STK26: variants seen among roughly 807,000 people sequenced by gnomAD.
STK26 encodes serine/threonine kinase 26, also known as serine/threonine-protein kinase 26.
In STK26, 14 loss-of-function variants were observed where a neutral mutation model predicts 34.7. The ratio of observed to expected loss-of-function variants is 0.40; its 90% CI spans 0.27 to 0.63. The LOEUF is 0.63. STK26 is among the 30% of genes least tolerant of loss of function. The pLI is 0.38. For synonymous variants in STK26, 100 were observed against 109.8 expected (o/e 0.91, Z 0.56); for missense variants, 226 against 309.1 (o/e 0.73, Z 2.02).
At chrX:132,029,914 G>A (rs1925766328) in intron 2 of STK26, among the ~76,000 whole-genome samples, 1 of 111,599 alleles carries the variant, frequency 9.0e-6, no homozygotes, top group South Asian at 3.7e-4. Context: ...AAATGAGGTT[G>A]TACATTTCTT....
chrX:132,038,488 A>G lies in STK26; in HGVS notation c.42+14829A>G, dbSNP rs1343764001. ...GAATGGTGATTACAGCTGCTTTTCT[A>G]TTTAAGATGTGCAATTTTGGTAGCA... On this transcript the variant is annotated intron_variant, in intron 2 of 11. Transcript: ENST00000394334. Among the ~76,000 whole-genome samples the G allele has an allele frequency of 3.6e-5, 4 of 111,878 alleles. 1 individual carries two copies. The East Asian group carries it at 8.4e-4, about 24-fold the overall frequency.
chrX:132,071,368 G>A (rs1927409671), intron 8 of STK26, 151 bp downstream of exon 8: 2 of 641,929 alleles, frequency 3.1e-6, no homozygotes, highest in African/African-American at 4.6e-5. Flanking sequence ...TTCAATCACA[G>A]TCTGTGGAAT....
rs1358521810 is a variant in STK26 at position 132,063,413 on chromosome X, A to G, written c.274-20A>G. The G allele has an allele frequency of 4.2e-6, 5 of 1,196,997 alleles. No homozygotes were observed. Among genetic ancestry groups the G allele is most frequent in the Non-Finnish European group, 5.6e-6 (5 of 885,989 alleles). On this transcript the variant is annotated intron_variant, in intron 3 of 11. Transcript: ENST00000394334. ...TTTGGCTCAGGTTTGTAATTATTAA[A>G]TTGTTTCATGGCTTTACAGGGGTCT...
intron 2 of STK26, among the ~76,000 whole-genome samples, chrX:132,038,100 A>G: frequency 9.0e-6 from 1 of 111,083 alleles, no homozygotes; most frequent in South Asian, 3.8e-4. Flanking sequence ...TTTCATAATA[A>G]CAGAGGATTA....
intron 3 of STK26, among the ~76,000 whole-genome samples, chrX:132,062,188 C>T (rs186041390): frequency 8.9e-6 from 1 of 112,322 alleles, no homozygotes; most frequent in Non-Finnish European, 1.9e-5. Flanking sequence ...CACTACTTGG[C>T]TGCTGCCAGT....
At chrX:132,037,065 A>G (rs1003763570) in intron 2 of STK26, among the ~76,000 whole-genome samples, 1 of 112,114 alleles carries the variant, frequency 8.9e-6, no homozygotes, top group African/African-American at 3.2e-5. Context: ...TATGTAAAAA[A>G]TATGTATTCA....
chrX:132,029,311 G>A (rs912741621), intron 2 of STK26, among the ~76,000 whole-genome samples: 1 of 111,782 alleles, frequency 8.9e-6, no homozygotes, highest in Non-Finnish European at 1.9e-5. Flanking sequence ...GTGACCTTGA[G>A]CAAATCATCT....
At chrX:132,027,257 C>G (rs1388326410) in intron 2 of STK26, among the ~76,000 whole-genome samples, 1 of 111,659 alleles carries the variant, frequency 9.0e-6, no homozygotes, top group East Asian at 2.8e-4. Context: ...CTCACACAAC[C>G]ATTCTGTTTT....
intron 2 of STK26, among the ~76,000 whole-genome samples, chrX:132,026,628 A>G (rs1322048387): frequency 8.9e-6 from 1 of 112,624 alleles, no homozygotes; most frequent in Non-Finnish European, 1.9e-5. Context: ...CTTAGAGCCT[A>G]CAATAGTATT....
chrX:132,062,763 T>G (rs949996674), intron 3 of STK26, among the ~76,000 whole-genome samples: 11 of 112,277 alleles, frequency 9.8e-5, no homozygotes, highest in Admixed American at 6.6e-4. Flanking sequence ...TATTTAAAGC[T>G]TTGTTTTTTA....
intron 2 of STK26, among the ~76,000 whole-genome samples, chrX:132,052,171 TG>T (rs1926714805): frequency 1.8e-5 from 2 of 111,208 alleles, no homozygotes; most frequent in Admixed American, 9.6e-5. Flanking sequence ...TTTATTTACT[TG>T]ATCTTTTCTC....
At chrX:132,025,311 A>C (rs1163108205) in intron 2 of STK26, among the ~76,000 whole-genome samples, 1 of 111,703 alleles carries the variant, frequency 9.0e-6, no homozygotes, top group African/African-American at 3.3e-5. Context: ...CAGCAGAGTG[A>C]GTGCCTCCAG....
intron 8 of STK26, 64 bp downstream of exon 8, chrX:132,071,281 A>G (rs1569336914): frequency 9.1e-7 from 1 of 1,098,517 alleles, no homozygotes; most frequent in East Asian, 3.0e-5. Context: ...TCTTTTAGCT[A>G]TGCTCCAGTG....
At position 132,072,997 on chromosome X, in the gene STK26, C is replaced by A. The variant is rs981028398; in HGVS notation, c.1130C>A (p.Ala377Glu). The A allele has an allele frequency of 8.3e-7, 1 of 1,210,456 alleles. No individual in the cohort carries two copies. The highest frequency in any genetic ancestry group is 1.1e-6 in the Non-Finnish European group (1 of 894,591). ...QDENNASRNQ[A>E]IEELEKSIAV... ...GAGAATAACGCTAGCAGGAATCAGG[C>A]GATTGAAGAACTCGAGAAAAGTATT... Residue 377 changes from alanine (A) to glutamate (E), a missense_variant, in exon 11 of 12, where the codon GCG becomes GAG. By Grantham distance (107) the Ala-to-Glu change is moderately radical. Transcript: ENST00000394334.
chrX:132,054,947 A>T, intron 3 of STK26, 86 bp downstream of exon 3: 1 of 852,997 alleles, frequency 1.2e-6, no homozygotes, highest in Non-Finnish European at 1.6e-6. Flanking sequence ...CAATGTCTTA[A>T]ATTAGGATTT....
At chrX:132,057,557 G>A (rs898927167) in intron 3 of STK26, among the ~76,000 whole-genome samples, 2 of 110,863 alleles carry the variant, frequency 1.8e-5, no homozygotes, top group African/African-American at 3.3e-5. Flanking sequence ...ATATTTGGGG[G>A]CTTTTTATGT....
intron 2 of STK26, among the ~76,000 whole-genome samples, chrX:132,043,522 G>A (rs1378219582): frequency 9.0e-6 from 1 of 111,365 alleles, no homozygotes; most frequent in Non-Finnish European, 1.9e-5. Context: ...TCAATCCCAG[G>A]CCATATTTAT....
intron 2 of STK26, among the ~76,000 whole-genome samples, chrX:132,024,969 G>C (rs111836227): frequency 0.01 from 1,115 of 108,328 alleles, 14 homozygotes; most frequent in African/African-American, 0.036. Context: ...GAAATAGTAG[G>C]GCTTAAAAAA....
chrX:132,029,398 T>G (rs1315743022), intron 2 of STK26, among the ~76,000 whole-genome samples: 2 of 111,902 alleles, frequency 1.8e-5, no homozygotes, highest in Non-Finnish European at 3.8e-5. Flanking sequence ...CCATCATCTG[T>G]GGAGTTGGAG....
Sources: allele counts gnomAD v4.1 joint callset (sites outside exome capture counted in the v4.1 genomes callset), GRCh38; gene constraint gnomAD v4.1.1; transcripts MANE v1.5; gene names NCBI Gene and HGNC (gene_info 2026-07-23, HGNC 2026-07-21).